Variants in OR2T11 observed in about 807,000 individuals in gnomAD.
The protein encoded by OR2T11 is olfactory receptor 2T11.
In OR2T11, 14 loss-of-function variants were observed where a neutral mutation model predicts 13.5. The observed-to-expected ratio is 1.04, with a 90% CI of 0.69 to 1.62. The LOEUF (loss-of-function observed/expected upper bound fraction) is 1.62, where lower values mean the gene tolerates loss of function less well. Among genes scored for constraint, OR2T11 ranks in the 40% most tolerant of loss-of-function variants. The pLI, the probability that OR2T11 is intolerant of heterozygous loss-of-function variation, is 0.00. For synonymous variants in OR2T11, 163 were observed against 154.6 expected, an observed-to-expected ratio of 1.05 and a Z score of -0.40; for missense variants, 410 against 389.7, an observed-to-expected ratio of 1.05 and a Z score of -0.44.
At position 248,626,206 on chromosome 1, in the gene OR2T11, G is replaced by T; in HGVS notation, c.923C>A (p.Ala308Asp). ...FKKVFACCSS[A>D]QKVATSDA Reference sequence around the variant, plus strand: ...AGCATCACTTGTTGCTACTTTCTGAGCAGATGAGCAACATGCAAATACCTT... The same window carrying T: ...AGCATCACTTGTTGCTACTTTCTGATCAGATGAGCAACATGCAAATACCTT... The change falls in exon 2 of 2, where the codon GCT becomes GAT. Residue 308 changes from alanine (A) to aspartate (D), a missense_variant. Coordinates refer to ENST00000641193, the MANE Select transcript of OR2T11 (RefSeq NM_001001964.2). 2 of 1,546,006 alleles carry T rather than the reference G, an allele frequency of 1.3e-6. 1 individual carries two copies. Among genetic ancestry groups the T allele is most frequent in the Non-Finnish European group, 1.8e-6 (2 of 1,132,234 alleles).
In OR2T11 at chr1:248,626,963, TG is replaced by T; in HGVS notation, c.165del (p.Met56CysfsTer47). On this transcript the variant is annotated frameshift_variant, in exon 2 of 2. Transcript: ENST00000641193. LOFTEE classifies it high-confidence loss of function. ...GACAGCTGACTGAGCAGAAAGTACA[TG>T]GGGGTGTGGAGGCGAGAGTCCACCT... ...LIQVDSRLHT[P>X]MYFLLSQLSI... 4 of 1,571,678 alleles carry T rather than the reference TG, an allele frequency of 2.5e-6. 1 individual carries two copies. The highest frequency in any genetic ancestry group is 1.1e-5 in the South Asian group (1 of 88,858).
At position 248,624,643 on chromosome 1, in the gene OR2T11, C is replaced by T. The variant is rs1471514374; in HGVS notation, c.*1535G>A. ...AAAAAACCTGTTTTTAAATGCTCTT[C>T]GTACTCTGATTATTAAATGTATGCT... On this transcript the variant is annotated 3_prime_UTR_variant, in exon 2 of 2. Transcript: ENST00000641193. 2 of 144,140 alleles carry T rather than the reference C, an allele frequency of 1.4e-5. 1 individual carries two copies. Among genetic ancestry groups the T allele is most frequent in the Non-Finnish European group, 3.0e-5 (2 of 66,436 alleles). 8.9% of individuals were successfully genotyped at this position (144,140 alleles called of 1,614,324 possible). A position where few individuals can be genotyped will look rare whatever the true frequency, so the allele number is the denominator to read the frequency against.
At position 248,626,009 on chromosome 1, in the gene OR2T11, T is replaced by G; in HGVS notation, c.*169A>C. On this transcript the variant is annotated 3_prime_UTR_variant, in exon 2 of 2. Transcript: ENST00000641193. Reference sequence around the variant, plus strand: ...GATACTTCACTGAAAGATCTCTGCATAACAGTAAAACATCTTTCCCTTGCT... The same window carrying G: ...GATACTTCACTGAAAGATCTCTGCAGAACAGTAAAACATCTTTCCCTTGCT... The G allele has an allele frequency of 1.9e-6, 1 of 521,764 alleles. No homozygotes were observed. The highest frequency in any genetic ancestry group is 3.4e-6 in the Non-Finnish European group (1 of 293,738). The allele number at this position is 521,764 out of a possible 1,614,324, so 32.3% of individuals were successfully genotyped here.
At chr1:248,629,938 G>T (rs28648505) in intron 1 of OR2T11, among the ~76,000 whole-genome samples, 114,413 of 140,754 alleles carry the variant, frequency 0.81, 50,635 homozygotes, top group South Asian at 0.94. Context: ...TCTTAACACC[G>T]TCTGACACTA....
rs565921967 is a variant in OR2T11 at position 248,630,274 on chromosome 1, A to C, written c.-144-3002T>G. Among the ~76,000 whole-genome samples the C allele has an allele frequency of 3.2e-3, 454 of 143,742 alleles. 47 individuals carry two copies. The highest frequency in any genetic ancestry group is 4.8e-3 in the Non-Finnish European group (321 of 66,350). The allele number at this position is 143,742 out of a possible 152,430, so 94.3% of individuals were successfully genotyped here. The stretch of plus-strand genomic sequence containing the variant: ...GGGATCCACCAATATTTGATCAAAA[A>C]AAACTTCATTCTAGGAAAAATAAAT... On this transcript the variant is annotated intron_variant, in intron 1 of 1. Coordinates refer to ENST00000641193, the MANE Select transcript of OR2T11 (RefSeq NM_001001964.2).
intron 1 of OR2T11, among the ~76,000 whole-genome samples, chr1:248,633,962 A>G (rs1473054697): frequency 7.8e-6 from 1 of 128,648 alleles, no homozygotes; most frequent in Non-Finnish European, 1.6e-5. Context: ...CTTATCAGTG[A>G]AGCTGGAAAT....
At chr1:248,634,231 C>A (rs1211021611) in intron 1 of OR2T11, among the ~76,000 whole-genome samples, 7 of 48,584 alleles carry the variant, frequency 1.4e-4, no homozygotes, top group African/African-American at 4.5e-4. Flanking sequence ...TAAGTGCTTG[C>A]GATGCCTAAC....
In OR2T11 at chr1:248,627,243, A is replaced by AC. The variant is rs1660539885; in HGVS notation, c.-116dup. 3 of 634,638 alleles carry AC rather than the reference A, an allele frequency of 4.7e-6. 1 individual carries two copies. The highest frequency in any genetic ancestry group is 4.1e-5 in the African/African-American group (2 of 48,448). 39.3% of individuals were successfully genotyped at this position (634,638 alleles called of 1,614,324 possible). A position where few individuals can be genotyped will look rare whatever the true frequency, so the allele number is the denominator to read the frequency against. ...CAGTAGAGGTGACACTTCTGAGGGTACCGTCAGGATGAAGCTTCCAGGCTA... is the reference window on the plus strand; with the variant it reads ...CAGTAGAGGTGACACTTCTGAGGGTACCCGTCAGGATGAAGCTTCCAGGCTA... On this transcript the variant is annotated 5_prime_UTR_variant, in exon 2 of 2. Transcript: ENST00000641193.
rs1370157030 is a variant in OR2T11, at chr1:248,626,119, G to A, written c.*59C>T. ...TTGATAGCTGAGCAGATCATCTCCAGGGAAACAGGGCAAATGGAGGAAGTC... is the reference window on the plus strand; with the variant it reads ...TTGATAGCTGAGCAGATCATCTCCAAGGAAACAGGGCAAATGGAGGAAGTC... On this transcript the variant is annotated 3_prime_UTR_variant, in exon 2 of 2. Coordinates refer to ENST00000641193, the MANE Select transcript of OR2T11 (RefSeq NM_001001964.2). The A allele has an allele frequency of 1.2e-5, 11 of 947,484 alleles. No homozygotes were observed. The highest frequency in any genetic ancestry group is 3.0e-5 in the South Asian group (2 of 66,942). 58.7% of individuals were successfully genotyped at this position (947,484 alleles called of 1,614,324 possible).
At position 248,624,370 on chromosome 1, in the gene OR2T11, A is replaced by T. The variant is rs556062737; in HGVS notation, c.*1808T>A. ...TTCCTCCCCCTTGATTTTACCCTGA[A>T]TCATCTCTAAGCATATCTCCATTAA... On this transcript the variant is annotated 3_prime_UTR_variant, in exon 2 of 2. Transcript: ENST00000641193. 1 of 142,976 alleles carries T rather than the reference A, an allele frequency of 7.0e-6. No individual in the cohort carries two copies. The highest frequency in any genetic ancestry group is 1.5e-5 in the Non-Finnish European group (1 of 66,204). The allele number at this position is 142,976 out of a possible 1,614,324, so 8.9% of individuals were successfully genotyped here.
rs886902116 is a variant in OR2T11 at position 248,634,966 on chromosome 1, T to C, written c.-145+72A>G. Reference sequence around the variant, plus strand: ...TATGCTTTCTTCTATTACAATTTTATATTGCATATAGATGTTTATTGTATA... The same window carrying C: ...TATGCTTTCTTCTATTACAATTTTACATTGCATATAGATGTTTATTGTATA... On this transcript the variant is annotated intron_variant, in intron 1 of 1. Coordinates refer to ENST00000641193, the MANE Select transcript of OR2T11 (RefSeq NM_001001964.2). The C allele has an allele frequency of 1.6e-4, 22 of 139,106 alleles. 3 individuals are homozygous for C. The allele number at this position is 139,106 out of a possible 1,614,324, so 8.6% of individuals were successfully genotyped here. A position where few individuals can be genotyped will look rare whatever the true frequency, so the allele number is the denominator to read the frequency against.
In OR2T11 at chr1:248,624,225, T is replaced by C. The variant is rs1461400721; in HGVS notation, c.*1953A>G. 2 of 143,416 alleles carry C rather than the reference T, an allele frequency of 1.4e-5. 1 individual carries two copies. The highest frequency in any genetic ancestry group is 1.4e-4 in the Admixed American group (2 of 14,696). The allele number at this position is 143,416 out of a possible 1,614,324, so 8.9% of individuals were successfully genotyped here. On this transcript the variant is annotated 3_prime_UTR_variant, in exon 2 of 2. Coordinates refer to ENST00000641193, the MANE Select transcript of OR2T11 (RefSeq NM_001001964.2). ...TACTGAATTATTCCTTTGAACTTCA[T>C]ACTCAATATCACATGACAGCACCAT...
intron 1 of OR2T11, among the ~76,000 whole-genome samples, chr1:248,628,575 CA>C (rs1160201953): frequency 7.2e-6 from 1 of 139,658 alleles, no homozygotes; most frequent in South Asian, 2.3e-4. Context: ...TTCTTAACAC[CA>C]AAAAAAAGGG....
intron 1 of OR2T11, among the ~76,000 whole-genome samples, chr1:248,634,386 G>A (rs1660657540): frequency 7.1e-6 from 1 of 141,698 alleles, no homozygotes; most frequent in Non-Finnish European, 1.5e-5. Flanking sequence ...ATAAACCAAA[G>A]GAATGTAGTC....
At position 248,631,824 on chromosome 1, in the gene OR2T11, A is replaced by G. The variant is rs552847739; in HGVS notation, c.-145+3214T>C. Among the ~76,000 whole-genome samples the G allele has an allele frequency of 1.7e-4, 25 of 143,198 alleles. 4 individuals carry two copies. The South Asian group carries it at 3.1e-3, about 18-fold the overall frequency. The allele number at this position is 143,198 out of a possible 152,430, so 93.9% of individuals were successfully genotyped here. A position where few individuals can be genotyped will look rare whatever the true frequency, so the allele number is the denominator to read the frequency against. ...CACTCACACACGTCACTGTTGTGCA[A>G]TTGCAGAGGGCAATGACTCATCTCC... On this transcript the variant is annotated intron_variant, in intron 1 of 1. Transcript: ENST00000641193.
At position 248,629,259 on chromosome 1, in the gene OR2T11, G is replaced by T. The variant is rs1373655206; in HGVS notation, c.-144-1987C>A. Among the ~76,000 whole-genome samples, 4 of 142,076 alleles carry T rather than the reference G, an allele frequency of 2.8e-5. 1 individual carries two copies. The highest frequency in any genetic ancestry group is 6.1e-5 in the Non-Finnish European group (4 of 65,976). 93.2% of individuals were successfully genotyped at this position (142,076 alleles called of 152,430 possible). On this transcript the variant is annotated intron_variant, in intron 1 of 1. Transcript: ENST00000641193. ...TTATAAAAAACTAGCCAGGCGTGGTGGTGCACGTCAGTCGTCCCAGCTACT... is the reference window on the plus strand; with the variant it reads ...TTATAAAAAACTAGCCAGGCGTGGTTGTGCACGTCAGTCGTCCCAGCTACT...
At position 248,627,190 on chromosome 1, in the gene OR2T11, A is replaced by G; in HGVS notation, c.-62T>C. 1.0e-6 allele frequency: 1 copy of G among 983,606 alleles called. No homozygotes were observed. The highest frequency in any genetic ancestry group is 1.4e-5 in the South Asian group (1 of 69,720). The allele number at this position is 983,606 out of a possible 1,614,324, so 60.9% of individuals were successfully genotyped here. A position where few individuals can be genotyped will look rare whatever the true frequency, so the allele number is the denominator to read the frequency against. On this transcript the variant is annotated 5_prime_UTR_variant, in exon 2 of 2. Coordinates refer to ENST00000641193, the MANE Select transcript of OR2T11 (RefSeq NM_001001964.2). ...ACACAAGGACCAGGAAGGAGGCAAG[A>G]GAACACGGTCAAGATGGGAAAGGTC...
chr1:248,629,828 C>T (rs571335139), intron 1 of OR2T11, among the ~76,000 whole-genome samples: 1 of 141,810 alleles, frequency 7.1e-6, no homozygotes, highest in African/African-American at 2.8e-5. Context: ...GCCTGGGGCT[C>T]CTCCTCCAAC....
chr1:248,624,667 C>CA lies in OR2T11; in HGVS notation c.*1510_*1511insT. 1 of 144,074 alleles carries CA rather than the reference C, an allele frequency of 6.9e-6. No individual in the cohort carries two copies. Among genetic ancestry groups the CA allele is most frequent in the Admixed American group, 6.8e-5 (1 of 14,772 alleles). 8.9% of individuals were successfully genotyped at this position (144,074 alleles called of 1,614,324 possible). Reference sequence around the variant, plus strand: ...TCGTACTCTGATTATTAAATGTATGCTTTATGTTCAGAACTCTAATCTGAA... The same window carrying CA: ...TCGTACTCTGATTATTAAATGTATGCATTTATGTTCAGAACTCTAATCTGAA... On this transcript the variant is annotated 3_prime_UTR_variant, in exon 2 of 2. Coordinates refer to ENST00000641193, the MANE Select transcript of OR2T11 (RefSeq NM_001001964.2).
Sources: gnomAD v4.1 joint callset for allele counts (sites outside exome capture counted in the v4.1 genomes callset) on GRCh38, gnomAD v4.1.1 for gene constraint, MANE v1.5 for transcripts, NCBI Gene and HGNC (gene_info 2026-07-23, HGNC 2026-07-21) for gene names.